Variants in DUSP18 observed in about 807,000 individuals in gnomAD.
DUSP18 encodes the protein dual specificity protein phosphatase 18.
A neutral mutation model predicts 6.3 loss-of-function variants in DUSP18; 4 were observed. That is an observed-to-expected ratio of 0.63 (90% CI 0.31 to 1.45). DUSP18 has a LOEUF of 1.45. DUSP18 is among the 40% of genes most tolerant of loss of function. DUSP18 has a pLI of 0.07. For missense variants in DUSP18, 235 were observed against 247.7 expected, an observed-to-expected ratio of 0.95 and a Z score of 0.34; for synonymous variants, 96 against 95.1, an observed-to-expected ratio of 1.01 and a Z score of -0.05.
intron 2 of DUSP18, among the ~76,000 whole-genome samples, chr22:30,655,846 G>T (rs2145594839): frequency 6.6e-6 from 1 of 152,256 alleles, no homozygotes; most frequent in East Asian, 1.9e-4. Context: ...GTCAGGATGA[G>T]AATCCACACC....
rs550644257 is a variant in DUSP18, at chr22:30,666,391, C to T, written c.-78+1071G>A. ...ATCCCAGCACTTTGGAAGGCCGAGG[C>T]GGGCAGATCACCTGAGGTCAGGAGT... On this transcript the variant is annotated intron_variant, in intron 1 of 1. Transcript: ENST00000334679. 3.9e-5 allele frequency among the ~76,000 whole-genome samples: 6 copies of T among 152,118 alleles called. No homozygotes were observed. In the South Asian group the frequency reaches 6.2e-4, roughly 16 times the overall value.
downstream of DUSP18, among the ~76,000 whole-genome samples, chr22:30,659,167 G>T (rs1243786465): frequency 6.8e-6 from 1 of 147,934 alleles, no homozygotes; most frequent in African/African-American, 2.5e-5. Context: ...AACTGATACT[G>T]GAACTACAAT....
Position 30,663,339 on chromosome 22 carries a change from C to T in DUSP18, c.*98G>A. On this transcript the variant is annotated 3_prime_UTR_variant, in exon 2 of 2. Transcript: ENST00000334679. ...CATAAAAGGCATCATCTGTTTTTTT[C>T]TGTATCAACAAAAGTAGAATGTTCA... 2 of 1,254,716 alleles carry T rather than the reference C, an allele frequency of 1.6e-6. No homozygotes were observed. The highest frequency in any genetic ancestry group is 2.5e-5 in the Admixed American group (1 of 40,324). 77.7% of individuals were successfully genotyped at this position (1,254,716 alleles called of 1,614,324 possible). A position where few individuals can be genotyped will look rare whatever the true frequency, so the allele number is the denominator to read the frequency against.
chr22:30,663,452 C>T lies in DUSP18; in HGVS notation c.552G>A (p.Leu184=), dbSNP rs1400388354. The T allele has an allele frequency of 1.2e-6, 2 of 1,610,156 alleles. No homozygotes were observed. The highest frequency in any genetic ancestry group is 1.7e-6 in the Non-Finnish European group (2 of 1,176,828). The change falls in exon 2 of 2, where the codon TTG becomes TTA. Residue 184 remains leucine, a synonymous_variant. Transcript: ENST00000334679. ...GTGGGATGGCTCACAGTGGAATCAT[C>T]AAACGGACTTCCTTCTCATAGATGT... ...IPDIYEKEVR[L]MIPL
chr22:30,656,343 C>T (rs903195839), intron 2 of DUSP18, among the ~76,000 whole-genome samples: 1 of 152,136 alleles, frequency 6.6e-6, no homozygotes, highest in African/African-American at 2.4e-5. Context: ...AGGTCAAGAG[C>T]TACCTGCCCC....
At chr22:30,652,553 C>A (rs538502604) in intron 2 of DUSP18, among the ~76,000 whole-genome samples, 2 of 152,364 alleles carry the variant, frequency 1.3e-5, no homozygotes, top group Admixed American at 1.3e-4. Flanking sequence ...TGAATAAAGA[C>A]AACTTGGAGA....
rs774890036 is a variant in DUSP18, at chr22:30,663,950, G to A, written c.54C>T (p.Ser18=). Residue 18 remains serine (S), a synonymous_variant, in exon 2 of 2, where the codon AGC becomes AGT. Transcript: ENST00000334679. Reference sequence around the variant, plus strand: ...GGCTTTTGGTTATCTGCGAGAGGCCGCTGACTGAGGGCTGCCGGAACTGAA... The same window carrying A: ...GGCTTTTGGTTATCTGCGAGAGGCCACTGACTGAGGGCTGCCGGAACTGAA... ...FPVQFRQPSV[S]GLSQITKSLY... 55 of 1,614,068 alleles carry A rather than the reference G, an allele frequency of 3.4e-5. No homozygotes were observed. Among genetic ancestry groups the A allele is most frequent in the Non-Finnish European group, 4.3e-5 (51 of 1,180,014 alleles).
At position 30,663,701 on chromosome 22, in the gene DUSP18, C is replaced by G; in HGVS notation, c.303G>C (p.Leu101Phe). The G allele has an allele frequency of 1.9e-6, 3 of 1,614,228 alleles. No individual in the cohort carries two copies. Among genetic ancestry groups the G allele is most frequent in the African/African-American group, 1.3e-5 (1 of 75,042 alleles). Reference sequence around the variant, plus strand: ...GGCTCACACCAGCAGCACAGTGCAGCAAAGTACGGCCCTGCTTCATCTCCA... The same window carrying G: ...GGCTCACACCAGCAGCACAGTGCAGGAAAGTACGGCCCTGCTTCATCTCCA... ...HSVEMKQGRTLLHCAAGVSRS... is the reference protein window; with the variant it reads ...HSVEMKQGRTFLHCAAGVSRS... Residue 101 changes from leucine to phenylalanine, a missense_variant, in exon 2 of 2, where the codon TTG becomes TTC. Coordinates refer to ENST00000334679, the MANE Select transcript of DUSP18 (RefSeq NM_152511.5).
At chr22:30,653,616 G>GC (rs146345605) in intron 2 of DUSP18, among the ~76,000 whole-genome samples, 6,660 of 151,522 alleles carry the variant, frequency 0.044, 318 homozygotes, top group East Asian at 0.24. Context: ...CAAGTGACCC[G>GC]CCCCCCCTCG....
Position 30,663,985 on chromosome 22 carries a change from C to A in DUSP18, c.19G>T (p.Ala7Ser), listed in dbSNP as rs1469971905. MTAPSCAFPVQFRQPSV... is the reference protein window; with the variant it reads MTAPSCSFPVQFRQPSV... The stretch of plus-strand genomic sequence containing the variant: ...GGCTGCCGGAACTGAACTGGGAAGG[C>A]ACACGAGGGTGCTGTCATCAAGGCG... Residue 7 changes from alanine (A) to serine (S), a missense_variant, in exon 2 of 2, where the codon GCC (alanine) becomes TCC (serine). Coordinates refer to ENST00000334679, the MANE Select transcript of DUSP18 (RefSeq NM_152511.5). 9 of 1,613,266 alleles carry A rather than the reference C, an allele frequency of 5.6e-6. No homozygotes were observed. The African/African-American group carries it at 8.0e-5, about 14-fold the overall frequency.
At chr22:30,659,941 A>G (rs907506791), downstream of DUSP18, among the ~76,000 whole-genome samples, 1 of 152,248 alleles carries the variant, frequency 6.6e-6, no homozygotes, top group South Asian at 2.1e-4. Flanking sequence ...GGGCACACGT[A>G]GAAAGCACCA....
chr22:30,655,855 C>G (rs1312194290), intron 2 of DUSP18, among the ~76,000 whole-genome samples: 1 of 152,098 alleles, frequency 6.6e-6, no homozygotes, highest in Non-Finnish European at 1.5e-5. Flanking sequence ...AGAATCCACA[C>G]CTCTTAACAT....
intron 2 of DUSP18, among the ~76,000 whole-genome samples, chr22:30,655,935 CT>C (rs112567452): frequency 9.5e-5 from 14 of 147,492 alleles, no homozygotes; most frequent in Non-Finnish European, 1.5e-4. Flanking sequence ...ATTCTTAGGA[CT>C]TTTTTTTTTC....
chr22:30,665,158 A>G (rs1209220465), intron 1 of DUSP18: 1 of 171,662 alleles, frequency 5.8e-6, no homozygotes, highest in Non-Finnish European at 1.3e-5. Context: ...ATTCCGCTGA[A>G]ATAGGGACAT....
downstream of DUSP18, among the ~76,000 whole-genome samples, chr22:30,656,707 G>A (rs767969619): frequency 5.3e-5 from 8 of 152,170 alleles, no homozygotes; most frequent in East Asian, 1.9e-4. Flanking sequence ...AGTGTGAACT[G>A]TTTGGGAAAA....
At chr22:30,653,130 G>C (rs2088256175) in intron 2 of DUSP18, among the ~76,000 whole-genome samples, 1 of 152,162 alleles carries the variant, frequency 6.6e-6, no homozygotes, top group African/African-American at 2.4e-5. Flanking sequence ...GTAAATGCTT[G>C]CTCAGTGAGG....
chr22:30,659,887 T>C (rs531255546), downstream of DUSP18, among the ~76,000 whole-genome samples: 4 of 152,190 alleles, frequency 2.6e-5, no homozygotes, highest in South Asian at 6.2e-4. Flanking sequence ...AAGGAAAAGT[T>C]AGAAGTATTT....
At chr22:30,653,363 C>G (rs1201272650) in intron 2 of DUSP18, among the ~76,000 whole-genome samples, 1 of 151,852 alleles carries the variant, frequency 6.6e-6, no homozygotes, top group Non-Finnish European at 1.5e-5. Flanking sequence ...TCATGTGCCC[C>G]CTTCCTCCTT....
chr22:30,661,274 TAA>T (rs1200940532), downstream of DUSP18, among the ~76,000 whole-genome samples: 1 of 152,134 alleles, frequency 6.6e-6, no homozygotes, highest in Non-Finnish European at 1.5e-5. Context: ...GCTCAAAATC[TAA>T]AACTTTTTGA....
Sources: allele counts gnomAD v4.1 joint callset (sites outside exome capture counted in the v4.1 genomes callset), GRCh38; gene constraint gnomAD v4.1.1; transcripts MANE v1.5; gene names NCBI Gene and HGNC (gene_info 2026-07-23, HGNC 2026-07-21).